The following NTRK2 variants were observed in gnomAD, a reference collection of about 807,000 sequenced individuals.
The protein encoded by NTRK2 is BDNF/NT-3 growth factors receptor.
NTRK2 carries 13 observed loss-of-function variants against 94.5 expected under a neutral mutation model. That is an observed-to-expected ratio of 0.14 (90% CI 0.09 to 0.22). The LOEUF is 0.22. Among genes scored for constraint, NTRK2 ranks in the 10% least tolerant of loss-of-function variants. The pLI is 1.00. For synonymous variants in NTRK2, 372 were observed against 407.4 expected, an observed-to-expected ratio of 0.91 and a Z score of 1.05; for missense variants, 639 against 1,071.2, an observed-to-expected ratio of 0.60 and a Z score of 5.63.
intron 12 of NTRK2, among the ~76,000 whole-genome samples, chr9:84,853,398 A>G (rs2074883844): frequency 6.6e-6 from 1 of 152,102 alleles, no homozygotes; most frequent in Admixed American, 6.5e-5. Flanking sequence ...ATTCCACACT[A>G]CTGCCTGGAG....
At chr9:84,804,473 A>G (rs570520916) in intron 12 of NTRK2, among the ~76,000 whole-genome samples, 3 of 152,218 alleles carry the variant, frequency 2.0e-5, no homozygotes, top group African/African-American at 2.4e-5. Flanking sequence ...GTTTCAGCCA[A>G]AATTGGGCAG....
intron 17 of NTRK2, among the ~76,000 whole-genome samples, chr9:84,966,754 C>T (rs551040991): frequency 6.6e-6 from 1 of 152,212 alleles, no homozygotes; most frequent in East Asian, 1.9e-4. Flanking sequence ...TATATAGGCA[C>T]TGCTCAGGTA....
intron 6 of NTRK2, among the ~76,000 whole-genome samples, chr9:84,717,028 G>A (rs1166315637): frequency 3.3e-5 from 5 of 152,206 alleles, no homozygotes; most frequent in Non-Finnish European, 5.9e-5. Flanking sequence ...GGAGGTGGAA[G>A]GGTAGAGGGG....
intron 16 of NTRK2, 99 bp downstream of exon 16, chr9:84,948,733 C>G (rs538563301): frequency 1.9e-5 from 19 of 989,376 alleles, no homozygotes; most frequent in Non-Finnish European, 2.9e-5. Context: ...CTGGACCTTT[C>G]TCGAAGCATC....
intron 17 of NTRK2, among the ~76,000 whole-genome samples, chr9:84,967,409 A>G (rs1236262657): frequency 6.6e-6 from 1 of 152,236 alleles, no homozygotes; most frequent in African/African-American, 2.4e-5. Context: ...AATGCAAGAA[A>G]AGGCTTGTGG....
At chr9:84,938,858 C>T (rs2078298587) in intron 15 of NTRK2, among the ~76,000 whole-genome samples, 1 of 151,866 alleles carries the variant, frequency 6.6e-6, no homozygotes, top group South Asian at 2.1e-4. Context: ...CAAGACCAGC[C>T]TGGGCAACAT....
At chr9:84,875,988 A>G (rs2076051351) in intron 14 of NTRK2, 2 of 1,035,614 alleles carry the variant, frequency 1.9e-6, no homozygotes, top group South Asian at 4.6e-5. Context: ...GGGGAATCCC[A>G]GAAAGAAAAC....
intron 4 of NTRK2, among the ~76,000 whole-genome samples, chr9:84,707,065 G>A (rs1018159495): frequency 9.2e-5 from 14 of 152,156 alleles, no homozygotes; most frequent in Non-Finnish European, 4.4e-5. Context: ...GGCTGCCAGG[G>A]TTATGGCTCT....
At chr9:84,998,521 T>G (rs890563532) in intron 17 of NTRK2, among the ~76,000 whole-genome samples, 4 of 152,176 alleles carry the variant, frequency 2.6e-5, no homozygotes, top group Non-Finnish European at 5.9e-5. Context: ...TTAGGCGGCT[T>G]TACAACGACT....
intron 17 of NTRK2, among the ~76,000 whole-genome samples, chr9:85,019,755 C>A (rs2117898974): frequency 6.6e-6 from 1 of 152,292 alleles, no homozygotes; most frequent in South Asian, 2.1e-4. Context: ...GCATCATGCA[C>A]ACATAAGACC....
At chr9:84,942,069 A>G (rs2078429259) in intron 15 of NTRK2, among the ~76,000 whole-genome samples, 5 of 152,184 alleles carry the variant, frequency 3.3e-5, no homozygotes, top group Admixed American at 3.3e-4. Flanking sequence ...GTTATATACA[A>G]CTAACTGAGT....
chr9:84,835,662 C>A (rs1479300827), intron 12 of NTRK2, among the ~76,000 whole-genome samples: 1 of 152,184 alleles, frequency 6.6e-6, no homozygotes, highest in Non-Finnish European at 1.5e-5. Flanking sequence ...AGGCAGTTGT[C>A]TCTCAAAATC....
chr9:85,018,191 G>A (rs565292039), intron 17 of NTRK2, among the ~76,000 whole-genome samples: 56 of 152,180 alleles, frequency 3.7e-4, no homozygotes, highest in African/African-American at 1.2e-3. Context: ...ATCATCTGTA[G>A]GCTAGAGGTG....
intron 14 of NTRK2, among the ~76,000 whole-genome samples, chr9:84,868,382 C>A (rs1388757054): frequency 6.6e-6 from 1 of 152,106 alleles, no homozygotes; most frequent in Non-Finnish European, 1.5e-5. Flanking sequence ...GGATGAAGGG[C>A]CTTAGCAATG....
chr9:84,823,682 ATCT>A (rs1245604467), intron 12 of NTRK2, among the ~76,000 whole-genome samples: 1 of 152,198 alleles, frequency 6.6e-6, no homozygotes. Flanking sequence ...GCGTACCCAA[ATCT>A]TCTGATTTTT....
chr9:84,997,789 G>C lies in NTRK2; in HGVS notation c.2173-22417G>C, dbSNP rs186528474. 3.0e-3 allele frequency among the ~76,000 whole-genome samples: 461 copies of C among 152,260 alleles called. 2 individuals are homozygous for C. The highest frequency in any genetic ancestry group is 2.3e-3 in the Non-Finnish European group (155 of 68,012). On this transcript the variant is annotated intron_variant, in intron 17 of 18. Transcript: ENST00000277120. ...TGGGAAAACCTGGGTGGGGCTGGGG[G>C]GTGTTCAGCCATGGTGGAATGGCAG...
chr9:84,988,795 G>A (rs11140817), intron 17 of NTRK2, among the ~76,000 whole-genome samples: 2,902 of 152,330 alleles, frequency 0.019, 52 homozygotes, highest in Middle Eastern at 0.044. Context: ...GTCAGCCAGC[G>A]CTGCTGGGCA....
chr9:84,814,824 A>G (rs527424959), intron 12 of NTRK2: 2 of 1,064,122 alleles, frequency 1.9e-6, no homozygotes, highest in East Asian at 5.0e-5. Context: ...AGTCACATCT[A>G]GTCTATGTCC....
chr9:84,774,697 G>A (rs764990313), intron 12 of NTRK2, among the ~76,000 whole-genome samples: 1 of 152,178 alleles, frequency 6.6e-6, no homozygotes, highest in South Asian at 2.1e-4. Flanking sequence ...CACATTCTGC[G>A]TCAGCATATT....
Sources: allele counts gnomAD v4.1 joint callset (sites outside exome capture counted in the v4.1 genomes callset), GRCh38; gene constraint gnomAD v4.1.1; transcripts MANE v1.5; gene names NCBI Gene and HGNC (gene_info 2026-07-23, HGNC 2026-07-21).